The following ASIC2 variants were observed in gnomAD, a reference collection of about 807,000 sequenced individuals.
ASIC2 encodes acid sensing ion channel subunit 2.
ASIC2 carries 25 observed loss-of-function variants against 57.3 expected under a neutral mutation model. That is an observed-to-expected ratio of 0.44 (90% CI 0.32 to 0.61). The LOEUF (loss-of-function observed/expected upper bound fraction) is 0.61. Ranked by LOEUF, ASIC2 falls within the 20% of genes least tolerant of loss-of-function variation. The probability of loss-of-function intolerance (pLI) is 0.06; values close to 1 mark genes in which losing one functional copy is unlikely to be tolerated. For missense variants in ASIC2, 641 were observed against 738.1 expected (o/e 0.87, Z 1.52); for synonymous variants, 319 against 307.5 (o/e 1.04, Z -0.39).
chr17:33,214,160 C>G (rs937603424), intron 1 of ASIC2, among the ~76,000 whole-genome samples: 3 of 152,216 alleles, frequency 2.0e-5, no homozygotes, highest in South Asian at 4.1e-4. Context: ...AGAAACATCC[C>G]TGGCTCCCAT....
At chr17:33,279,192 C>G (rs1904837697) in intron 1 of ASIC2, among the ~76,000 whole-genome samples, 1 of 152,162 alleles carries the variant, frequency 6.6e-6, no homozygotes, top group Admixed American at 6.5e-5. Flanking sequence ...GAGTGAGAAG[C>G]AGGGCTCCCT....
chr17:33,196,238 G>T (rs151121683), intron 1 of ASIC2, among the ~76,000 whole-genome samples: 8 of 152,262 alleles, frequency 5.3e-5, no homozygotes, highest in African/African-American at 1.7e-4. Flanking sequence ...GCTATTAAAA[G>T]ATGGAACTGA....
chr17:33,151,283 A>G (rs1028162800), intron 1 of ASIC2, among the ~76,000 whole-genome samples: 1 of 151,710 alleles, frequency 6.6e-6, no homozygotes, highest in Admixed American at 6.6e-5. Flanking sequence ...CTGAGGCAGA[A>G]AAATCGCTTG....
intron 1 of ASIC2, among the ~76,000 whole-genome samples, chr17:33,392,196 C>CTCCT (rs377322524): frequency 0.036 from 1,343 of 37,744 alleles, 15 homozygotes; most frequent in African/African-American, 0.073. Flanking sequence ...CCTTCCTTCC[C>CTCCT]TCCTTCCTTC....
chr17:33,960,838 G>A (rs553901468), intron 1 of ASIC2, among the ~76,000 whole-genome samples: 4 of 152,216 alleles, frequency 2.6e-5, no homozygotes, highest in South Asian at 2.1e-4. Flanking sequence ...GCAGCCAGGC[G>A]TTCAATGCCT....
At chr17:33,286,336 G>C (rs955312332) in intron 1 of ASIC2, among the ~76,000 whole-genome samples, 1 of 152,200 alleles carries the variant, frequency 6.6e-6, no homozygotes, top group African/African-American at 2.4e-5. Context: ...GCTTCTCATA[G>C]AGTTAGGAAC....
chr17:33,538,834 G>C (rs8068494), intron 1 of ASIC2, among the ~76,000 whole-genome samples: 70,221 of 152,090 alleles, frequency 0.46, 16,297 homozygotes, highest in South Asian at 0.54. Flanking sequence ...TGGAGGCTCA[G>C]GTAGATTTAG....
chr17:33,107,587 C>T (rs2092240112), intron 2 of ASIC2, among the ~76,000 whole-genome samples: 1 of 152,144 alleles, frequency 6.6e-6, no homozygotes. Context: ...AGATGTGTGA[C>T]CAAGGGGAGC....
At chr17:33,628,055 C>T (rs1237496631) in intron 1 of ASIC2, among the ~76,000 whole-genome samples, 1 of 152,080 alleles carries the variant, frequency 6.6e-6, no homozygotes, top group Non-Finnish European at 1.5e-5. Context: ...GAAGAGGCCT[C>T]CTCCTGTGCT....
rs554806642 is a variant in ASIC2, at chr17:33,235,000, TCTC to T, written c.708+56405_708+56407del. Among the ~76,000 whole-genome samples, 4 of 152,340 alleles carry T rather than the reference TCTC, an allele frequency of 2.6e-5. No individual in the cohort carries two copies. The South Asian group carries it at 6.2e-4, about 24-fold the overall frequency. On this transcript the variant is annotated intron_variant, in intron 1 of 9. Coordinates refer to ENST00000225823, the MANE Select transcript of ASIC2 (RefSeq NM_183377.2). ...ACTGCGGCTGCATCCTTTCTGGTCTTCTCCTGCTTCCTTCGCTCCCTCTCTCCC... is the reference window on the plus strand; with the variant it reads ...ACTGCGGCTGCATCCTTTCTGGTCTTCTGCTTCCTTCGCTCCCTCTCTCCC...
At chr17:34,112,666 C>A (rs1911310518) in intron 1 of ASIC2, among the ~76,000 whole-genome samples, 1 of 152,284 alleles carries the variant, frequency 6.6e-6, no homozygotes, top group South Asian at 2.1e-4. Context: ...GTGAAACCAA[C>A]CCTTCCCTGG....
intron 1 of ASIC2, among the ~76,000 whole-genome samples, chr17:33,210,253 G>A (rs1049134604): frequency 1.3e-5 from 2 of 152,162 alleles, no homozygotes; most frequent in Non-Finnish European, 2.9e-5. Flanking sequence ...AAGCTTCTAT[G>A]AAGACTTTAA....
chr17:33,576,126 C>T (rs1256631132), intron 1 of ASIC2, among the ~76,000 whole-genome samples: 1 of 152,200 alleles, frequency 6.6e-6, no homozygotes, highest in Non-Finnish European at 1.5e-5. Context: ...AGAAGTCCGC[C>T]TAGACCAGAC....
intron 1 of ASIC2, among the ~76,000 whole-genome samples, chr17:34,137,829 A>T (rs1175180679): frequency 6.6e-6 from 1 of 151,408 alleles, no homozygotes; most frequent in African/African-American, 2.4e-5. Context: ...TCTCTCTAGG[A>T]CCTCTTTATA....
At chr17:34,036,132 A>G (rs1047771900) in intron 1 of ASIC2, among the ~76,000 whole-genome samples, 2 of 152,148 alleles carry the variant, frequency 1.3e-5, no homozygotes, top group Non-Finnish European at 2.9e-5. Context: ...TAAATGTCCA[A>G]CAACGATAGA....
At chr17:33,462,318 A>G (rs543899620) in intron 1 of ASIC2, among the ~76,000 whole-genome samples, 3 of 152,212 alleles carry the variant, frequency 2.0e-5, no homozygotes, top group Non-Finnish European at 4.4e-5. Flanking sequence ...AGATGTAGCC[A>G]TGGGACTAAA....
rs191172911 is a variant in ASIC2 at position 34,028,086 on chromosome 17, T to C, written c.555+127892A>G. Among the ~76,000 whole-genome samples, 310 of 152,326 alleles carry C rather than the reference T, an allele frequency of 2.0e-3. 2 individuals carry two copies. Among genetic ancestry groups the C allele is most frequent in the African/African-American group, 7.1e-3 (296 of 41,576 alleles). On this transcript the variant is annotated intron_variant, in intron 1 of 9. Transcript: ENST00000359872. ...AGCTTGAAAAGAATGGAGCAGAATATAGTACGTAGGTAATCAATACCAAAT... is the reference window on the plus strand; with the variant it reads ...AGCTTGAAAAGAATGGAGCAGAATACAGTACGTAGGTAATCAATACCAAAT...
chr17:33,439,372 C>T (rs969885055), intron 1 of ASIC2, among the ~76,000 whole-genome samples: 2 of 151,874 alleles, frequency 1.3e-5, no homozygotes, highest in Admixed American at 6.6e-5. Flanking sequence ...GGAGTGAAGG[C>T]TGGGAAGAAG....
intron 1 of ASIC2, among the ~76,000 whole-genome samples, chr17:34,107,651 C>A (rs1040682513): frequency 1.6e-4 from 25 of 152,178 alleles, no homozygotes; most frequent in African/African-American, 6.0e-4. Context: ...AATTCTCCCC[C>A]ACCACAAGTC....
Sources: allele counts gnomAD v4.1 joint callset (sites outside exome capture counted in the v4.1 genomes callset), GRCh38; gene constraint gnomAD v4.1.1; transcripts MANE v1.5; gene names NCBI Gene and HGNC (gene_info 2026-07-23, HGNC 2026-07-21).